Variants in ITGA11 observed in about 807,000 individuals in gnomAD.
The protein encoded by ITGA11 is integrin alpha-11.
Under a neutral mutation model 141.9 loss-of-function variants are expected in ITGA11, and 97 were observed. The observed-to-expected ratio is 0.68, with a 90% confidence interval of 0.58 to 0.81. The LOEUF is 0.81. Among genes scored for constraint, ITGA11 ranks in the 30% least tolerant of loss-of-function variants. The probability of loss-of-function intolerance (pLI) is 0.00; values close to 1 mark genes in which losing one functional copy is unlikely to be tolerated. For missense variants in ITGA11, 1,387 were observed against 1,559.2 expected (o/e 0.89, Z 1.86); for synonymous variants, 658 against 624.6 (o/e 1.05, Z -0.80).
chr15:68,393,205 T>C (rs1896158659), intron 2 of ITGA11, among the ~76,000 whole-genome samples: 1 of 150,966 alleles, frequency 6.6e-6, no homozygotes, highest in African/African-American at 2.4e-5. Context: ...AAGAGAAAAA[T>C]GGAATAAAAA....
chr15:68,408,239 C>T (rs1374683964), intron 1 of ITGA11, among the ~76,000 whole-genome samples: 2 of 151,258 alleles, frequency 1.3e-5, no homozygotes, highest in East Asian at 3.9e-4. Context: ...CAAATCCTCC[C>T]CTGGCCTCCC....
At chr15:68,389,022 C>A (rs1896054481) in intron 2 of ITGA11, among the ~76,000 whole-genome samples, 1 of 152,236 alleles carries the variant, frequency 6.6e-6, no homozygotes, top group African/African-American at 2.4e-5. Flanking sequence ...TCTTTTCCAT[C>A]TCTGTACTCT....
intron 2 of ITGA11, among the ~76,000 whole-genome samples, chr15:68,386,474 G>T (rs112097360): frequency 4.6e-5 from 7 of 152,142 alleles, no homozygotes; most frequent in Admixed American, 4.6e-4. Context: ...CGGGAAGGCT[G>T]CCCAGGACCC....
chr15:68,349,992 G>A lies in ITGA11; in HGVS notation c.1060+625C>T, dbSNP rs1024483246. Among the ~76,000 whole-genome samples the A allele has an allele frequency of 2.6e-5, 4 of 152,064 alleles. 1 individual carries two copies. The South Asian group carries it at 6.2e-4, about 24-fold the overall frequency. Reference sequence around the variant, plus strand: ...CACACCCACTGTATCTTATTTTTGCGAAATTTGGCAACCCTAGTTCAAAGC... The same window carrying A: ...CACACCCACTGTATCTTATTTTTGCAAAATTTGGCAACCCTAGTTCAAAGC... On this transcript the variant is annotated intron_variant, in intron 9 of 29. Coordinates refer to ENST00000315757, the MANE Select transcript of ITGA11 (RefSeq NM_001004439.2).
intron 1 of ITGA11, among the ~76,000 whole-genome samples, chr15:68,412,401 A>G (rs1010297588): frequency 6.6e-5 from 10 of 151,844 alleles, no homozygotes; most frequent in African/African-American, 2.4e-4. Flanking sequence ...TGCCTCAGCC[A>G]TACACCGGGC....
At chr15:68,430,472 A>C (rs1317908273) in intron 1 of ITGA11, among the ~76,000 whole-genome samples, 1 of 152,182 alleles carries the variant, frequency 6.6e-6, no homozygotes, top group Non-Finnish European at 1.5e-5. Context: ...GTCTGATTCC[A>C]AAGCCATTGC....
In ITGA11 at chr15:68,311,226, C is replaced by T. The variant is rs575724320; in HGVS notation, c.3087+64G>A. The stretch of plus-strand genomic sequence containing the variant: ...TGGGGTCTGGGAACCTGGGGACACA[C>T]GTAGGGGGAGTGTCTGTCTCCTTCT... On this transcript the variant is annotated intron_variant, in intron 25 of 29. Coordinates refer to ENST00000315757, the MANE Select transcript of ITGA11 (RefSeq NM_001004439.2). 380 of 1,311,644 alleles carry T rather than the reference C, an allele frequency of 2.9e-4. 11 individuals carry two copies. In the South Asian group the frequency reaches 3.7e-3, roughly 13 times the overall value. 81.3% of individuals were successfully genotyped at this position (1,311,644 alleles called of 1,614,324 possible). A position where few individuals can be genotyped will look rare whatever the true frequency, so the allele number is the denominator to read the frequency against.
At chr15:68,306,189 CAAAAA>C (rs1234651031) in intron 28 of ITGA11, among the ~76,000 whole-genome samples, 1 of 83,048 alleles carries the variant, frequency 1.2e-5, no homozygotes, top group Non-Finnish European at 2.4e-5. Flanking sequence ...GACTCCGTCT[CAAAAA>C]AAAAAAAAAG....
chr15:68,374,924 T>A (rs1895690485), intron 2 of ITGA11, among the ~76,000 whole-genome samples: 1 of 152,240 alleles, frequency 6.6e-6, no homozygotes, highest in Admixed American at 6.5e-5. Flanking sequence ...GCACTTGATT[T>A]TGATCTCCAG....
In ITGA11 at chr15:68,341,383, GCCC is replaced by G. The variant is rs1894564355; in HGVS notation, c.1132-1742_1132-1740del. Among the ~76,000 whole-genome samples, 8 of 152,310 alleles carry G rather than the reference GCCC, an allele frequency of 5.3e-5. No individual in the cohort carries two copies. In the South Asian group the frequency reaches 1.7e-3, roughly 32 times the overall value. ...TTGTGGAGTACTTTCTCATCTGGCT[GCCC>G]ATTTGGGCCCAGAGGCCCTGTGAAA... On this transcript the variant is annotated intron_variant, in intron 10 of 29. Coordinates refer to ENST00000315757, the MANE Select transcript of ITGA11 (RefSeq NM_001004439.2).
At chr15:68,406,525 T>C (rs1392994484) in intron 1 of ITGA11, among the ~76,000 whole-genome samples, 1 of 152,202 alleles carries the variant, frequency 6.6e-6, no homozygotes, top group East Asian at 1.9e-4. Flanking sequence ...TGCCATCTTG[T>C]CCATCACCAG....
At position 68,326,586 on chromosome 15, in the gene ITGA11, T is replaced by TGCCTCTCC; in HGVS notation, c.2211+60_2211+67dup. Reference sequence around the variant, plus strand: ...CTTAGAACCAGCCAGGCAGACTCTCTGCCTCTCCCACGGCAGATGCTCCTT... The same window carrying TGCCTCTCC: ...CTTAGAACCAGCCAGGCAGACTCTCTGCCTCTCCGCCTCTCCCACGGCAGATGCTCCTT... On this transcript the variant is annotated intron_variant, in intron 17 of 29. Coordinates refer to ENST00000315757, the MANE Select transcript of ITGA11 (RefSeq NM_001004439.2). The surrounding 1 kb of genome is among the most constrained non-coding windows in gnomAD (Gnocchi z 6.8). The TGCCTCTCC allele has an allele frequency of 6.7e-7, 1 of 1,492,384 alleles. No individual in the cohort carries two copies. Among genetic ancestry groups the TGCCTCTCC allele is most frequent in the Non-Finnish European group, 9.0e-7 (1 of 1,111,314 alleles). The allele number at this position is 1,492,384 out of a possible 1,614,324, so 92.4% of individuals were successfully genotyped here.
In ITGA11 at chr15:68,431,887, T is replaced by G. The variant is rs1309347564; in HGVS notation, c.52+128A>C. 43 of 587,710 alleles carry G rather than the reference T, an allele frequency of 7.3e-5. No individual in the cohort carries two copies. In the Admixed American group the frequency reaches 1.8e-3, roughly 25 times the overall value. The allele number at this position is 587,710 out of a possible 1,614,324, so 36.4% of individuals were successfully genotyped here. ...GGGGCCAGTCCCTGGGGGACCCACG[T>G]CCCCAAGAGCAGCTGAGGTCTGACC... On this transcript the variant is annotated intron_variant, in intron 1 of 29. Transcript: ENST00000315757.
Position 68,326,380 on chromosome 15 carries a change from C to G in ITGA11, c.2211+274G>C, listed in dbSNP as rs1194365041. ...CCCCACCAGCTGCTCCTAGTTCTCT[C>G]TGCTGGACCTACTGAGCCCACCTTC... is the stretch of plus-strand genomic sequence containing the variant. On this transcript the variant is annotated intron_variant, in intron 17 of 29. Coordinates refer to ENST00000315757, the MANE Select transcript of ITGA11 (RefSeq NM_001004439.2). The surrounding 1 kb of genome is among the most constrained non-coding windows in gnomAD (Gnocchi z 6.8). 6.6e-6 allele frequency among the ~76,000 whole-genome samples: 1 copy of G among 152,192 alleles called. No homozygotes were observed.
intron 2 of ITGA11, among the ~76,000 whole-genome samples, chr15:68,388,434 A>C (rs1023473343): frequency 6.6e-6 from 1 of 152,068 alleles, no homozygotes; most frequent in African/African-American, 2.4e-5. Context: ...TGAGCCCTCA[A>C]TTCAACCACT....
At chr15:68,407,528 A>G (rs1896676099) in intron 1 of ITGA11, among the ~76,000 whole-genome samples, 1 of 152,178 alleles carries the variant, frequency 6.6e-6, no homozygotes, top group Admixed American at 6.5e-5. Context: ...TGACTTCCAA[A>G]TACCAACATG....
intron 7 of ITGA11, among the ~76,000 whole-genome samples, chr15:68,355,755 T>G (rs1895053233): frequency 8.7e-6 from 1 of 115,134 alleles, no homozygotes. Flanking sequence ...CCTAAATAGC[T>G]CTTACTTTGT....
In ITGA11 at chr15:68,303,204, ACCTTT is replaced by A. The variant is rs1407832599; in HGVS notation, c.3496-79_3496-75del. On this transcript the variant is annotated intron_variant, in intron 29 of 29. Coordinates refer to ENST00000315757, the MANE Select transcript of ITGA11 (RefSeq NM_001004439.2). This position sits in a 1 kb window ranked among gnomAD's most constrained non-coding sequence, Gnocchi z 5.3. ...GGCCTGCCCCAGCTTTCCCTCCACT[ACCTTT>A]CCTTGGGATTCCTCCCTCAGGGCTT... The A allele has an allele frequency of 3.8e-6, 5 of 1,312,560 alleles. No individual in the cohort carries two copies. The highest frequency in any genetic ancestry group is 5.3e-6 in the Non-Finnish European group (5 of 941,794). 81.3% of individuals were successfully genotyped at this position (1,312,560 alleles called of 1,614,324 possible).
intron 10 of ITGA11, among the ~76,000 whole-genome samples, chr15:68,340,544 C>T (rs8029113): frequency 0.2 from 30,357 of 151,930 alleles, 6,827 homozygotes; most frequent in African/African-American, 0.56. Context: ...TAAGCCAGGG[C>T]CACCTCCATG....
Sources: allele counts gnomAD v4.1 joint callset (sites outside exome capture counted in the v4.1 genomes callset), GRCh38; gene constraint gnomAD v4.1.1; non-coding constraint Gnocchi (gnomAD v3.1); transcripts MANE v1.5; gene names NCBI Gene and HGNC (gene_info 2026-07-23, HGNC 2026-07-21).